The following PRKCE variants were observed in gnomAD, a reference collection of about 807,000 sequenced individuals.
The protein encoded by PRKCE is protein kinase C epsilon, also known as protein kinase C epsilon type.
PRKCE carries 16 observed loss-of-function variants against 85.4 expected under a neutral mutation model. The ratio of observed to expected loss-of-function variants is 0.19; its 90% CI spans 0.13 to 0.28. The LOEUF is 0.28. Ranked by LOEUF, PRKCE falls within the 10% of genes least tolerant of loss-of-function variation. The pLI is 1.00. For synonymous variants in PRKCE, 388 were observed against 371.5 expected (o/e 1.04, Z -0.51); for missense variants, 573 against 975.2 (o/e 0.59, Z 5.49).
In PRKCE at chr2:46,145,050, G is replaced by T. The variant is rs1419358063; in HGVS notation, c.1593-43G>T. On this transcript the variant is annotated intron_variant, in intron 11 of 14. Coordinates refer to ENST00000306156, the MANE Select transcript of PRKCE (RefSeq NM_005400.3). The surrounding 1 kb of genome is among the most constrained non-coding windows in gnomAD (Gnocchi z 4.6). ...CTCCAACTCAGGAAGACTATATTGG[G>T]GTGAGTGACGTATTGACATTATGGT... 3 of 1,598,750 alleles carry T rather than the reference G, an allele frequency of 1.9e-6. No individual in the cohort carries two copies. The highest frequency in any genetic ancestry group is 1.7e-4 in the Middle Eastern group (1 of 6,058).
intron 10 of PRKCE, among the ~76,000 whole-genome samples, chr2:46,039,293 C>T (rs999678520): frequency 2.0e-5 from 3 of 152,218 alleles, no homozygotes; most frequent in Non-Finnish European, 4.4e-5. Flanking sequence ...CACCCAGTTT[C>T]TCTGTCTCTC....
chr2:45,824,543 G>A (rs13026162), intron 1 of PRKCE, among the ~76,000 whole-genome samples: 72,496 of 151,938 alleles, frequency 0.48, 17,424 homozygotes, highest in Middle Eastern at 0.54. Flanking sequence ...ATAACAGTCC[G>A]GTTGGGCTAC....
chr2:46,176,421 G>C (rs1175419150), intron 14 of PRKCE, among the ~76,000 whole-genome samples: 5 of 152,046 alleles, frequency 3.3e-5, no homozygotes, highest in Admixed American at 2.0e-4. Context: ...TGATGGGATA[G>C]AGTAATGATA....
intron 1 of PRKCE, among the ~76,000 whole-genome samples, chr2:45,722,391 A>C (rs1262393339): frequency 6.6e-6 from 1 of 152,114 alleles, no homozygotes; most frequent in African/African-American, 2.4e-5. Flanking sequence ...AGAGTAAGAG[A>C]GTGAAAGTGA....
intron 1 of PRKCE, among the ~76,000 whole-genome samples, chr2:45,804,699 G>C (rs1480901341): frequency 6.6e-6 from 1 of 152,194 alleles, no homozygotes; most frequent in African/African-American, 2.4e-5. Context: ...TTGAGAAAGA[G>C]GAGAGGTTGC....
At position 46,029,652 on chromosome 2, in the gene PRKCE, A is replaced by G. The variant is rs552178640; in HGVS notation, c.1437+19135A>G. Among the ~76,000 whole-genome samples, 4 of 151,530 alleles carry G rather than the reference A, an allele frequency of 2.6e-5. No individual in the cohort carries two copies. In the South Asian group the frequency reaches 8.3e-4, roughly 32 times the overall value. On this transcript the variant is annotated intron_variant, in intron 10 of 14. Transcript: ENST00000306156. ...CCTGTTCATGCATCGCTAATTGCTT[A>G]AACATCAGGGAAAGGGGTTTGTCGT... is the stretch of plus-strand genomic sequence containing the variant.
intron 10 of PRKCE, among the ~76,000 whole-genome samples, chr2:46,071,563 C>T (rs1668085933): frequency 6.6e-6 from 1 of 152,102 alleles, no homozygotes; most frequent in Non-Finnish European, 1.5e-5. Flanking sequence ...AAGTTTGGAC[C>T]CCTATACCAC....
intron 11 of PRKCE, among the ~76,000 whole-genome samples, chr2:46,140,476 G>T (rs972659035): frequency 2.0e-5 from 3 of 152,158 alleles, no homozygotes; most frequent in African/African-American, 4.8e-5. Context: ...CTAAGTTTCT[G>T]AAAACAAGTG....
At position 46,004,556 on chromosome 2, in the gene PRKCE, C is replaced by A. The variant is rs376171094; in HGVS notation, c.981C>A (p.Ala327=). Residue 327 remains alanine (A), a synonymous_variant, in exon 8 of 15, where the codon GCC becomes GCA. Transcript: ENST00000306156. This position sits in a 1 kb window ranked among gnomAD's most constrained non-coding sequence, Gnocchi z 4.1. ...GQRRKKLIAG[A]ESPQPASGSS... is the part of the protein sequence containing the mutation. ...CTCCTCTCTAGCTCATTGCTGGTGC[C>A]GAGTCCCCGCAGCCTGCTTCTGGAA... 4 of 1,585,388 alleles carry A rather than the reference C, an allele frequency of 2.5e-6. No homozygotes were observed. The highest frequency in any genetic ancestry group is 3.4e-6 in the Non-Finnish European group (4 of 1,172,816).
At chr2:45,982,448 C>G (rs778470097) in intron 5 of PRKCE, among the ~76,000 whole-genome samples, 6 of 152,218 alleles carry the variant, frequency 3.9e-5, no homozygotes, top group Non-Finnish European at 7.3e-5. Flanking sequence ...GCCGGTCCCC[C>G]CCATCTCATG....
At chr2:45,713,008 C>T (rs1201074189) in intron 1 of PRKCE, among the ~76,000 whole-genome samples, 1 of 152,186 alleles carries the variant, frequency 6.6e-6, no homozygotes, top group East Asian at 1.9e-4. Flanking sequence ...CTGTAATGCG[C>T]ATCATGATTC....
chr2:46,171,549 G>C (rs1678899632), intron 14 of PRKCE, among the ~76,000 whole-genome samples: 1 of 152,140 alleles, frequency 6.6e-6, no homozygotes, highest in Non-Finnish European at 1.5e-5. Flanking sequence ...CACAGCCTCG[G>C]GGTCAGAACA....
rs1246076232 is a variant in PRKCE, at chr2:46,184,430, CACAA to C, written c.2068-301_2068-298del. Among the ~76,000 whole-genome samples, 1 of 103,262 alleles carries C rather than the reference CACAA, an allele frequency of 9.7e-6. No individual in the cohort carries two copies. Among genetic ancestry groups the C allele is most frequent in the East Asian group, 2.7e-4 (1 of 3,700 alleles). 67.7% of individuals were successfully genotyped at this position (103,262 alleles called of 152,430 possible). ...AGATGGGACCTTTGCATCATACACA[CACAA>C]ACACACACACACACACACACACACA... On this transcript the variant is annotated intron_variant, in intron 14 of 14. Transcript: ENST00000306156. This position sits in a 1 kb window ranked among gnomAD's most constrained non-coding sequence, Gnocchi z 5.0.
Position 46,041,827 on chromosome 2 carries a change from G to A in PRKCE, c.1437+31310G>A, listed in dbSNP as rs1708231390. Among the ~76,000 whole-genome samples, 1 of 152,184 alleles carries A rather than the reference G, an allele frequency of 6.6e-6. No homozygotes were observed. ...AACTGTTCTGCACGGCCAACAATTT[G>A]ATGTTGAAAAAACCAGCCTCCATGT... On this transcript the variant is annotated intron_variant, in intron 10 of 14. Coordinates refer to ENST00000306156, the MANE Select transcript of PRKCE (RefSeq NM_005400.3). This position sits in a 1 kb window ranked among gnomAD's most constrained non-coding sequence, Gnocchi z 5.5.
At chr2:46,100,426 C>G (rs996295377) in intron 11 of PRKCE, among the ~76,000 whole-genome samples, 5 of 152,204 alleles carry the variant, frequency 3.3e-5, no homozygotes, top group African/African-American at 9.6e-5. Flanking sequence ...GCTCCTGTGG[C>G]AAGCAGAGCT....
chr2:46,089,334 C>T (rs1669942192), intron 11 of PRKCE, among the ~76,000 whole-genome samples: 1 of 152,216 alleles, frequency 6.6e-6, no homozygotes, highest in Admixed American at 6.5e-5. Flanking sequence ...CACAAGATCT[C>T]TTCCGTTAAA....
chr2:46,048,559 C>T (rs1281904758), intron 10 of PRKCE, among the ~76,000 whole-genome samples: 3 of 152,148 alleles, frequency 2.0e-5, no homozygotes, highest in Non-Finnish European at 4.4e-5. Flanking sequence ...GAGGGGTGGA[C>T]GTGCCCAGTG....
chr2:45,726,521 A>G (rs1214004622), intron 1 of PRKCE, among the ~76,000 whole-genome samples: 1 of 152,208 alleles, frequency 6.6e-6, no homozygotes, highest in South Asian at 2.1e-4. Flanking sequence ...GCAATAAAGC[A>G]CTTTTCAATT....
intron 2 of PRKCE, among the ~76,000 whole-genome samples, chr2:45,873,959 T>G (rs1481930213): frequency 6.6e-6 from 1 of 152,272 alleles, no homozygotes; most frequent in African/African-American, 2.4e-5. Context: ...ACAGGAGTTC[T>G]GGCAGGAGAC....
Sources: gnomAD v4.1 joint callset for allele counts (sites outside exome capture counted in the v4.1 genomes callset) on GRCh38, gnomAD v4.1.1 for gene constraint, Gnocchi (gnomAD v3.1) non-coding constraint, MANE v1.5 for transcripts, NCBI Gene and HGNC (gene_info 2026-07-23, HGNC 2026-07-21) for gene names.